Variants in BRINP3 observed in about 807,000 individuals in gnomAD.
BRINP3 encodes BMP/retinoic acid inducible neural specific 3.
A neutral mutation model predicts 71.0 loss-of-function variants in BRINP3; 19 were observed. That is an observed-to-expected ratio of 0.27 (90% CI 0.19 to 0.39). BRINP3 has a LOEUF of 0.39. BRINP3 is among the 10% of genes least tolerant of loss of function. BRINP3 has a pLI of 1.00. For synonymous variants in BRINP3, 380 were observed against 337.7 expected (o/e 1.13, Z -1.37); for missense variants, 959 against 940.8 (o/e 1.02, Z -0.25).
intron 7 of BRINP3, among the ~76,000 whole-genome samples, chr1:190,116,892 C>T (rs1370227450): frequency 6.6e-6 from 1 of 151,992 alleles, no homozygotes; most frequent in Non-Finnish European, 1.5e-5. Flanking sequence ...TTTTACATCA[C>T]TGTCAAATAC....
chr1:190,462,675 T>G (rs1487941341), intron 1 of BRINP3, among the ~76,000 whole-genome samples: 2 of 152,128 alleles, frequency 1.3e-5, no homozygotes, highest in Non-Finnish European at 2.9e-5. Flanking sequence ...TCACGAAATT[T>G]TCTTATTTCA....
intron 2 of BRINP3, among the ~76,000 whole-genome samples, chr1:190,321,189 G>A (rs1322773907): frequency 6.6e-6 from 1 of 151,960 alleles, no homozygotes; most frequent in Non-Finnish European, 1.5e-5. Flanking sequence ...TGAGTCAGCA[G>A]ACAGGGAAGA....
intron 5 of BRINP3, among the ~76,000 whole-genome samples, chr1:190,232,820 G>A (rs376252737): frequency 5.0e-4 from 76 of 152,130 alleles, no homozygotes; most frequent in South Asian, 2.9e-3. Flanking sequence ...TGGTATAAAC[G>A]TGCTGTCATT....
intron 6 of BRINP3, among the ~76,000 whole-genome samples, chr1:190,201,829 T>C (rs976759166): frequency 2.0e-5 from 3 of 152,220 alleles, no homozygotes; most frequent in African/African-American, 4.8e-5. Flanking sequence ...TTTGGGAACC[T>C]CTGCCTAGAT....
chr1:190,138,487 G>T (rs566383657), intron 7 of BRINP3, among the ~76,000 whole-genome samples: 22 of 152,154 alleles, frequency 1.4e-4, no homozygotes, highest in Non-Finnish European at 2.6e-4. Flanking sequence ...GTCAGAAAAT[G>T]ACTTGGTAGC....
rs541868258 is a variant in BRINP3 at position 190,268,698 on chromosome 1, C to G, written c.428-3643G>C. On this transcript the variant is annotated intron_variant, in intron 3 of 7. Transcript: ENST00000367462. Reference sequence around the variant, plus strand: ...CTACTGCACATATACAGTAACAAAACTTAGTAAGGTACAAGCAAATAATAA... The same window carrying G: ...CTACTGCACATATACAGTAACAAAAGTTAGTAAGGTACAAGCAAATAATAA... Among the ~76,000 whole-genome samples the G allele has an allele frequency of 1.7e-4, 26 of 152,142 alleles. No homozygotes were observed. The South Asian group carries it at 5.2e-3, about 30-fold the overall frequency.
At chr1:190,140,253 C>CA (rs1655322654) in intron 7 of BRINP3, among the ~76,000 whole-genome samples, 1 of 152,126 alleles carries the variant, frequency 6.6e-6, no homozygotes, top group Non-Finnish European at 1.5e-5. Flanking sequence ...TCTATACAAA[C>CA]ACTTTTCACT....
chr1:190,149,618 TGAG>T (rs757394360), intron 7 of BRINP3, among the ~76,000 whole-genome samples: 6 of 148,108 alleles, frequency 4.1e-5, no homozygotes, highest in Non-Finnish European at 5.9e-5. Context: ...AGGATATTGT[TGAG>T]TAGTTGTGTG....
chr1:190,176,441 C>G (rs1485116539), intron 6 of BRINP3, among the ~76,000 whole-genome samples: 2 of 152,140 alleles, frequency 1.3e-5, no homozygotes, highest in African/African-American at 2.4e-5. Flanking sequence ...GTAAAGGACA[C>G]AAATGGGAGA....
chr1:190,263,559 G>A (rs80305059), intron 4 of BRINP3, among the ~76,000 whole-genome samples: 1 of 150,706 alleles, frequency 6.6e-6, no homozygotes, highest in Non-Finnish European at 1.5e-5. Context: ...ACCCATTTAT[G>A]GATTTAAGTT....
At chr1:190,397,654 C>G (rs1009319937) in intron 2 of BRINP3, among the ~76,000 whole-genome samples, 1 of 151,952 alleles carries the variant, frequency 6.6e-6, no homozygotes, top group African/African-American at 2.4e-5. Flanking sequence ...TTAGATATCA[C>G]CTGTCTTGTT....
At chr1:190,359,463 T>G (rs1668986433) in intron 2 of BRINP3, among the ~76,000 whole-genome samples, 1 of 152,182 alleles carries the variant, frequency 6.6e-6, no homozygotes, top group Admixed American at 6.6e-5. Flanking sequence ...GAGGCCCCAG[T>G]GAAAACTTTG....
chr1:190,262,671 G>A (rs904192333), intron 4 of BRINP3, among the ~76,000 whole-genome samples: 2 of 152,126 alleles, frequency 1.3e-5, no homozygotes, highest in African/African-American at 4.8e-5. Context: ...CCGTGGCCCT[G>A]TCAAGGTGAG....
intron 7 of BRINP3, among the ~76,000 whole-genome samples, chr1:190,146,352 T>A (rs1023557328): frequency 4.6e-5 from 7 of 152,192 alleles, no homozygotes; most frequent in African/African-American, 1.7e-4. Flanking sequence ...TACCTTCTCC[T>A]TGTATACCTT....
chr1:190,166,003 G>A (rs1413300733), intron 6 of BRINP3, among the ~76,000 whole-genome samples: 1 of 151,986 alleles, frequency 6.6e-6, no homozygotes, highest in Non-Finnish European at 1.5e-5. Flanking sequence ...TTCTCCTAAC[G>A]GTTCTAAGGG....
At chr1:190,193,955 G>A (rs1180417922) in intron 6 of BRINP3, among the ~76,000 whole-genome samples, 1 of 151,960 alleles carries the variant, frequency 6.6e-6, no homozygotes, top group Non-Finnish European at 1.5e-5. Flanking sequence ...TTATCCTCCG[G>A]TATTTTCCAC....
At chr1:190,471,322 T>C (rs1043946101) in intron 1 of BRINP3, among the ~76,000 whole-genome samples, 1 of 151,296 alleles carries the variant, frequency 6.6e-6, no homozygotes, top group African/African-American at 2.4e-5. Flanking sequence ...GGATAGAATA[T>C]TTCCTAAAAT....
At chr1:190,150,530 C>T (rs1478838628) in intron 7 of BRINP3, among the ~76,000 whole-genome samples, 1 of 152,090 alleles carries the variant, frequency 6.6e-6, no homozygotes, top group Non-Finnish European at 1.5e-5. Flanking sequence ...GAAATGATAT[C>T]ATTTGTAAGA....
rs1210192668 is a variant in BRINP3, at chr1:190,303,037, G to A, written c.237-21287C>T. Reference sequence around the variant, plus strand: ...TGGTATATCACCTTCAAAATGAATGGGGGATGCTAAGGCCTTATTTTACAC... The same window carrying A: ...TGGTATATCACCTTCAAAATGAATGAGGGATGCTAAGGCCTTATTTTACAC... On this transcript the variant is annotated intron_variant, in intron 2 of 7. Coordinates refer to ENST00000367462, the MANE Select transcript of BRINP3 (RefSeq NM_199051.3). Among the ~76,000 whole-genome samples the A allele has an allele frequency of 2.0e-5, 3 of 151,638 alleles. No individual in the cohort carries two copies. In the East Asian group the frequency reaches 5.8e-4, roughly 29 times the overall value.
Sources: allele counts gnomAD v4.1 joint callset (sites outside exome capture counted in the v4.1 genomes callset), GRCh38; gene constraint gnomAD v4.1.1; transcripts MANE v1.5; gene names NCBI Gene and HGNC (gene_info 2026-07-23, HGNC 2026-07-21).